The following B3GLCT variants were observed in gnomAD, a reference collection of about 807,000 sequenced individuals.
B3GLCT encodes beta 3-glucosyltransferase.
A neutral mutation model predicts 63.4 loss-of-function variants in B3GLCT; 65 were observed. The ratio of observed to expected loss-of-function variants is 1.03; its 90% CI spans 0.84 to 1.26. B3GLCT has a LOEUF of 1.26. Among genes scored for constraint, B3GLCT ranks in the 50% most tolerant of loss-of-function variants. The pLI, the probability that B3GLCT is intolerant of heterozygous loss-of-function variation, is 0.00. For synonymous variants in B3GLCT, 233 were observed against 219.2 expected, an observed-to-expected ratio of 1.06 and a Z score of -0.55; for missense variants, 577 against 604.8, an observed-to-expected ratio of 0.95 and a Z score of 0.48.
intron 13 of B3GLCT, among the ~76,000 whole-genome samples, chr13:31,321,182 A>G (rs2137942587): frequency 6.6e-6 from 1 of 152,382 alleles, no homozygotes; most frequent in South Asian, 2.1e-4. Flanking sequence ...ATCTTTATAT[A>G]GCTAACATTG....
chr13:31,200,195 G>C (rs1868563221), intron 1 of B3GLCT, 41 bp downstream of exon 1: 2 of 1,210,496 alleles, frequency 1.7e-6, no homozygotes, highest in African/African-American at 3.2e-5. Flanking sequence ...CGAGGCGTGG[G>C]GTTCGCGGGC....
intron 1 of B3GLCT, among the ~76,000 whole-genome samples, chr13:31,212,467 G>T (rs917855680): frequency 4.3e-4 from 66 of 152,084 alleles, no homozygotes; most frequent in African/African-American, 1.6e-3. Flanking sequence ...TAGAGATGGG[G>T]TTTCACTGTT....
intron 4 of B3GLCT, among the ~76,000 whole-genome samples, chr13:31,244,350 G>C (rs556036811): frequency 1.6e-4 from 25 of 152,212 alleles, no homozygotes; most frequent in African/African-American, 4.8e-4. Context: ...AAATTAGCCA[G>C]GCGTGGTGGT....
chr13:31,230,788 T>TCATG (rs1219364753), intron 4 of B3GLCT, among the ~76,000 whole-genome samples: 1 of 151,992 alleles, frequency 6.6e-6, no homozygotes, highest in Non-Finnish European at 1.5e-5. Flanking sequence ...GGTGGGTGGA[T>TCATG]CATGAGGTTG....
chr13:31,215,392 T>C (rs1869506959), intron 2 of B3GLCT, among the ~76,000 whole-genome samples: 1 of 152,184 alleles, frequency 6.6e-6, no homozygotes, highest in Non-Finnish European at 1.5e-5. Context: ...TACCATAGTT[T>C]TCCCCAGTCT....
chr13:31,271,668 T>A (rs1286477216), intron 8 of B3GLCT, among the ~76,000 whole-genome samples: 1 of 152,226 alleles, frequency 6.6e-6, no homozygotes, highest in Admixed American at 6.5e-5. Context: ...AGTTTTCATA[T>A]CTATTAGATT....
At chr13:31,216,184 A>G (rs548808215) in intron 2 of B3GLCT, among the ~76,000 whole-genome samples, 7 of 152,192 alleles carry the variant, frequency 4.6e-5, no homozygotes, top group Non-Finnish European at 8.8e-5. Context: ...TTTTAACTGT[A>G]CTATGAGATT....
At chr13:31,276,376 A>G (rs1218162390) in intron 9 of B3GLCT, among the ~76,000 whole-genome samples, 1 of 152,202 alleles carries the variant, frequency 6.6e-6, no homozygotes, top group African/African-American at 2.4e-5. Context: ...GTCAGTTACT[A>G]TGTGCTTAAT....
intron 4 of B3GLCT, among the ~76,000 whole-genome samples, chr13:31,240,429 C>A (rs1466532739): frequency 6.7e-6 from 1 of 148,396 alleles, no homozygotes; most frequent in Non-Finnish European, 1.5e-5. Flanking sequence ...TTGGAAATCA[C>A]TATTTTTCTT....
chr13:31,258,733 A>G (rs1229462561), intron 6 of B3GLCT, among the ~76,000 whole-genome samples: 1 of 151,946 alleles, frequency 6.6e-6, no homozygotes, highest in Non-Finnish European at 1.5e-5. Context: ...TCTATCTTTA[A>G]TTTTCAACAG....
chr13:31,279,912 A>G (rs538952418), intron 10 of B3GLCT, among the ~76,000 whole-genome samples: 1 of 152,324 alleles, frequency 6.6e-6, no homozygotes, highest in Admixed American at 6.5e-5. Flanking sequence ...AAGAAAAAGA[A>G]TTCAGCAATA....
At chr13:31,327,462 C>T (rs780332887) in intron 14 of B3GLCT, among the ~76,000 whole-genome samples, 25 of 152,226 alleles carry the variant, frequency 1.6e-4, no homozygotes, top group African/African-American at 3.6e-4. Flanking sequence ...CAGCAGGGCC[C>T]GCAACTTAAA....
At chr13:31,231,247 CTG>C in intron 4 of B3GLCT, among the ~76,000 whole-genome samples, 1 of 152,248 alleles carries the variant, frequency 6.6e-6, no homozygotes, top group South Asian at 2.1e-4. Context: ...GAAGCTCTAA[CTG>C]GATTTTGCTC....
rs1289397489 is a variant in B3GLCT at position 31,229,312 on chromosome 13, G to A, written c.270+18G>A. The A allele has an allele frequency of 3.6e-6, 5 of 1,405,236 alleles. No individual in the cohort carries two copies. Among genetic ancestry groups the A allele is most frequent in the East Asian group, 4.6e-5 (2 of 43,932 alleles). 87.0% of individuals were successfully genotyped at this position (1,405,236 alleles called of 1,614,324 possible). ...TTACACAGGTACGTAGCGATGGCTG[G>A]GGGGTCTGCCAGTTATGTATTTCTT... On this transcript the variant is annotated intron_variant, in intron 4 of 14. Transcript: ENST00000343307.
intron 1 of B3GLCT, among the ~76,000 whole-genome samples, chr13:31,201,449 T>G (rs771983401): frequency 1.1e-4 from 17 of 152,144 alleles, no homozygotes; most frequent in Non-Finnish European, 1.9e-4. Context: ...CTGTAGTTGG[T>G]CTTGGGGAGC....
At chr13:31,286,677 A>G (rs1417400135) in intron 11 of B3GLCT, 43 bp from the exon 12 acceptor site, 2 of 1,226,818 alleles carry the variant, frequency 1.6e-6, no homozygotes, top group South Asian at 1.3e-5. Context: ...TATATATTTT[A>G]TAAGAAATAA....
At chr13:31,300,465 G>C (rs1225854242) in intron 12 of B3GLCT, among the ~76,000 whole-genome samples, 1 of 152,182 alleles carries the variant, frequency 6.6e-6, no homozygotes, top group Middle Eastern at 3.2e-3. Flanking sequence ...CTGGCCAAGT[G>C]GAAGGACTGG....
intron 13 of B3GLCT, among the ~76,000 whole-genome samples, chr13:31,320,486 G>T (rs1875279932): frequency 6.6e-6 from 1 of 152,144 alleles, no homozygotes; most frequent in South Asian, 2.1e-4. Context: ...TTTCTCTCTA[G>T]AAATTCATTC....
At chr13:31,325,931 C>T (rs991811655) in intron 14 of B3GLCT, among the ~76,000 whole-genome samples, 8 of 152,140 alleles carry the variant, frequency 5.3e-5, no homozygotes, top group Non-Finnish European at 2.9e-5. Flanking sequence ...ATTGTGAATT[C>T]GCAGATTTAG....
Sources: allele counts gnomAD v4.1 joint callset (sites outside exome capture counted in the v4.1 genomes callset), GRCh38; gene constraint gnomAD v4.1.1; transcripts MANE v1.5; gene names NCBI Gene and HGNC (gene_info 2026-07-23, HGNC 2026-07-21).